The following PCDH15 variants were observed in gnomAD, a reference collection of about 807,000 sequenced individuals.
PCDH15 encodes the protein protocadherin-15.
PCDH15 carries 129 observed loss-of-function variants against 178.5 expected under a neutral mutation model. The ratio of observed to expected loss-of-function variants is 0.72; its 90% confidence interval spans 0.63 to 0.84. PCDH15 has a LOEUF of 0.84. PCDH15 is among the 40% of genes least tolerant of loss of function. The probability of loss-of-function intolerance (pLI) is 0.00; values close to 1 mark genes in which losing one functional copy is unlikely to be tolerated. For missense variants in PCDH15, 2,230 were observed against 2,099.9 expected (o/e 1.06, Z -1.21); for synonymous variants, 800 against 732.0 (o/e 1.09, Z -1.50).
At chr10:54,393,719 G>C (rs1416076827) in intron 3 of PCDH15, among the ~76,000 whole-genome samples, 1 of 152,062 alleles carries the variant, frequency 6.6e-6, no homozygotes, top group Non-Finnish European at 1.5e-5. Flanking sequence ...ATCCAAACAA[G>C]TGCCCAATCT....
intron 3 of PCDH15, among the ~76,000 whole-genome samples, chr10:54,421,284 T>G (rs904951025): frequency 6.6e-6 from 1 of 151,786 alleles, no homozygotes; most frequent in Non-Finnish European, 1.5e-5. Flanking sequence ...GTATATGAAA[T>G]ACATTAAGAA....
chr10:54,891,090 T>C (rs1954452753), intron 3 of PCDH15, among the ~76,000 whole-genome samples: 2 of 151,978 alleles, frequency 1.3e-5, no homozygotes, highest in South Asian at 2.1e-4. Flanking sequence ...CCATAGGAAA[T>C]AGAGGACATG....
intron 2 of PCDH15, among the ~76,000 whole-genome samples, chr10:55,572,471 T>A (rs778781398): frequency 6.6e-6 from 1 of 151,588 alleles, no homozygotes; most frequent in Non-Finnish European, 1.5e-5. Context: ...TAAAAATTAT[T>A]TACTGCCTTC....
chr10:54,537,497 T>C (rs181844893), intron 2 of PCDH15, among the ~76,000 whole-genome samples: 6 of 152,264 alleles, frequency 3.9e-5, no homozygotes, highest in African/African-American at 1.4e-4. Context: ...TCAATATTCC[T>C]GATGAACATA....
chr10:54,407,730 C>G (rs1363197559), intron 3 of PCDH15, among the ~76,000 whole-genome samples: 2 of 151,960 alleles, frequency 1.3e-5, no homozygotes, highest in African/African-American at 4.8e-5. Flanking sequence ...TTTCCTGACC[C>G]TTAAACAGCT....
chr10:54,210,451 A>G (rs1429073379), intron 10 of PCDH15, among the ~76,000 whole-genome samples: 1 of 152,108 alleles, frequency 6.6e-6, no homozygotes, highest in Non-Finnish European at 1.5e-5. Flanking sequence ...GCCCTCCTGT[A>G]AAAGTTGGGA....
intron 2 of PCDH15, among the ~76,000 whole-genome samples, chr10:55,452,796 A>C (rs568529029): frequency 6.6e-6 from 1 of 152,216 alleles, no homozygotes; most frequent in African/African-American, 2.4e-5. Context: ...GTGATGACTA[A>C]CCTAGCTACT....
chr10:54,185,231 T>C lies in PCDH15; in HGVS notation c.1343A>G (p.Tyr448Cys), dbSNP rs1214237090. The part of the protein sequence containing the change: ...DPELHLFLND[Y>C]TSVFTVTQTG... ...CTGTGTGACGGTGAAGACTGAGGTGTAGTCATTCAGAAAAAGGTGAAGCTC... is the reference window on the plus strand; with the variant it reads ...CTGTGTGACGGTGAAGACTGAGGTGCAGTCATTCAGAAAAAGGTGAAGCTC... The change falls in exon 12 of 38, where the codon TAC becomes TGC. Residue 448 changes from tyrosine to cysteine, a missense_variant. Tyr to Cys is a radical substitution (Grantham distance 194). Transcript: ENST00000644397. The C allele has an allele frequency of 3.7e-6, 6 of 1,613,496 alleles. No individual in the cohort carries two copies. Among genetic ancestry groups the C allele is most frequent in the Non-Finnish European group, 5.1e-6 (6 of 1,179,684 alleles).
At chr10:54,308,789 C>T (rs1040942444) in intron 8 of PCDH15, among the ~76,000 whole-genome samples, 11 of 151,994 alleles carry the variant, frequency 7.2e-5, no homozygotes, top group East Asian at 3.9e-4. Context: ...CCCTATTCCC[C>T]GACCCCCAGA....
chr10:55,384,966 G>A (rs1349550528), intron 2 of PCDH15, among the ~76,000 whole-genome samples: 5 of 151,982 alleles, frequency 3.3e-5, no homozygotes, highest in African/African-American at 1.2e-4. Flanking sequence ...TCACGAACAT[G>A]TCAAAATTTG....
At chr10:53,914,987 T>C (rs975405021) in intron 25 of PCDH15, among the ~76,000 whole-genome samples, 2 of 152,194 alleles carry the variant, frequency 1.3e-5, no homozygotes, top group East Asian at 1.9e-4. Flanking sequence ...TCTGGTTCTA[T>C]AGGCAAATTA....
chr10:55,231,319 G>A (rs2132198346), intron 1 of PCDH15, among the ~76,000 whole-genome samples: 1 of 152,062 alleles, frequency 6.6e-6, no homozygotes, highest in East Asian at 1.9e-4. Flanking sequence ...TAATTCTTGG[G>A]ATGTGGGTCC....
rs144856429 is a variant in PCDH15, at chr10:54,793,150, C to T, written c.-29+7775G>A. Reference sequence around the variant, plus strand: ...AACTGAACCTTCATCCCCACCTGGGCATCAATGAGATTGAAACTGTGTTGC... The same window carrying T: ...AACTGAACCTTCATCCCCACCTGGGTATCAATGAGATTGAAACTGTGTTGC... On this transcript the variant is annotated intron_variant, in intron 1 of 37. Coordinates refer to ENST00000644397, the MANE Select transcript of PCDH15 (RefSeq NM_001384140.1). Among the ~76,000 whole-genome samples, 17 of 152,048 alleles carry T rather than the reference C, an allele frequency of 1.1e-4. No individual in the cohort carries two copies. The East Asian group carries it at 3.3e-3, about 30-fold the overall frequency.
intron 1 of PCDH15, among the ~76,000 whole-genome samples, chr10:54,754,476 A>C (rs1288230555): frequency 6.6e-6 from 1 of 152,188 alleles, no homozygotes; most frequent in Admixed American, 6.5e-5. Context: ...AGATTAAGAA[A>C]ATACACCATT....
intron 15 of PCDH15, among the ~76,000 whole-genome samples, chr10:54,114,120 CA>C (rs1170109703): frequency 6.6e-6 from 1 of 152,132 alleles, no homozygotes; most frequent in Non-Finnish European, 1.5e-5. Context: ...GACACAAAAC[CA>C]AACCATATCA....
intron 26 of PCDH15, among the ~76,000 whole-genome samples, chr10:53,892,186 G>A (rs1424303076): frequency 5.9e-5 from 9 of 151,748 alleles, no homozygotes; most frequent in Admixed American, 2.6e-4. Context: ...CACTGCACCC[G>A]GCTAATTTTT....
intron 3 of PCDH15, among the ~76,000 whole-genome samples, chr10:54,449,690 A>C (rs1341465366): frequency 6.6e-6 from 1 of 151,900 alleles, no homozygotes; most frequent in African/African-American, 2.4e-5. Flanking sequence ...ACAACTATTT[A>C]TACAACATTT....
intron 1 of PCDH15, among the ~76,000 whole-genome samples, chr10:55,242,036 A>G (rs907037307): frequency 4.6e-5 from 7 of 152,310 alleles, no homozygotes; most frequent in African/African-American, 1.7e-4. Flanking sequence ...TTTTGTAGAT[A>G]AGCCAAGATA....
chr10:54,288,034 G>A (rs1447613377), intron 8 of PCDH15, among the ~76,000 whole-genome samples: 2 of 152,120 alleles, frequency 1.3e-5, no homozygotes, highest in Non-Finnish European at 1.5e-5. Flanking sequence ...GGGAAAGAGA[G>A]AGAGAAAGGC....
Sources: gnomAD v4.1 joint callset for allele counts (sites outside exome capture counted in the v4.1 genomes callset) on GRCh38, gnomAD v4.1.1 for gene constraint, MANE v1.5 for transcripts, NCBI Gene and HGNC (gene_info 2026-07-23, HGNC 2026-07-21) for gene names.